Variants in HEATR1 observed in about 807,000 individuals in gnomAD.
The protein encoded by HEATR1 is HEAT repeat containing 1.
Under a neutral mutation model 248.2 loss-of-function variants are expected in HEATR1, and 77 were observed. The ratio of observed to expected loss-of-function variants is 0.31; its 90% CI spans 0.26 to 0.37. HEATR1 has a LOEUF of 0.37. Ranked by LOEUF, HEATR1 falls within the 10% of genes least tolerant of loss-of-function variation. The pLI, the probability that HEATR1 is intolerant of heterozygous loss-of-function variation, is 1.00. For synonymous variants in HEATR1, 897 were observed against 923.1 expected (o/e 0.97, Z 0.51); for missense variants, 2,420 against 2,504.9 (o/e 0.97, Z 0.72).
chr1:236,594,247 C>A, intron 8 of HEATR1, 133 bp from the exon 9 acceptor site: 1 of 561,846 alleles, frequency 1.8e-6, no homozygotes, highest in Non-Finnish European at 3.1e-6. Context: ...TATCTATTTG[C>A]ACAAGTGCAT....
chr1:236,576,243 T>C lies in HEATR1; in HGVS notation c.3060A>G (p.Lys1020=), dbSNP rs1663558287. 1.2e-6 allele frequency: 2 copies of C among 1,604,604 alleles called. No individual in the cohort carries two copies. The highest frequency in any genetic ancestry group is 2.2e-5 in the East Asian group (1 of 44,700). The change falls in exon 22 of 45, where the codon AAA becomes AAG. Residue 1020 remains lysine, a synonymous_variant. Transcript: ENST00000366582. ...CCTCACCGTTGACTCCCTGAAGTACTTTCATCAAATCTTTTGCTATATAAG... is the reference window on the plus strand; with the variant it reads ...CCTCACCGTTGACTCCCTGAAGTACCTTCATCAAATCTTTTGCTATATAAG... ...CPSYIAKDLM[K]VLQGVNGEMV...
At chr1:236,554,472 A>G (rs375922073) in intron 42 of HEATR1, 126 bp downstream of exon 42, 8 of 795,512 alleles carry the variant, frequency 1.0e-5, no homozygotes, top group East Asian at 8.1e-5. Flanking sequence ...ATTTCATTAA[A>G]AAGACCAGAA....
At chr1:236,598,272 C>T (rs550634173) in intron 4 of HEATR1, among the ~76,000 whole-genome samples, 4 of 152,268 alleles carry the variant, frequency 2.6e-5, no homozygotes, top group African/African-American at 9.6e-5. Flanking sequence ...TTCTTAGTAA[C>T]TTTACTGGTT....
At chr1:236,596,158 G>A in intron 6 of HEATR1, 114 bp from the exon 7 acceptor site, 1 of 733,416 alleles carries the variant, frequency 1.4e-6, no homozygotes, top group South Asian at 1.9e-5. Context: ...CTAATGCATA[G>A]TCAATCACTC....
At chr1:236,573,536 A>ATT (rs56276595) in intron 24 of HEATR1, among the ~76,000 whole-genome samples, 8 of 150,720 alleles carry the variant, frequency 5.3e-5, no homozygotes, top group East Asian at 1.9e-4. Flanking sequence ...CCAAGGAATT[A>ATT]TTTTTTTTTT....
intron 39 of HEATR1, 70 bp downstream of exon 39, chr1:236,555,735 T>G: frequency 6.2e-7 from 1 of 1,606,566 alleles, no homozygotes; most frequent in Non-Finnish European, 8.5e-7. Flanking sequence ...GTTACACGGC[T>G]AGATTGTTCT....
rs1208450857 is a variant in HEATR1, at chr1:236,550,543, AC to A, written c.*358del. On this transcript the variant is annotated 3_prime_UTR_variant, in exon 45 of 45. Transcript: ENST00000366582. ...TACCATGTATGTAAGATACTGCTGT[AC>A]AGAAGAGTTAAGGCTTACAGTGCAA... 2 of 195,288 alleles carry A rather than the reference AC, an allele frequency of 1.0e-5. No homozygotes were observed. Among genetic ancestry groups the A allele is most frequent in the East Asian group, 2.6e-4 (2 of 7,816 alleles). 12.1% of individuals were successfully genotyped at this position (195,288 alleles called of 1,614,324 possible).
chr1:236,551,923 C>A, intron 44 of HEATR1, 76 bp downstream of exon 44: 1 of 948,514 alleles, frequency 1.1e-6, no homozygotes, highest in Non-Finnish European at 1.7e-6. Flanking sequence ...TCTGCATTAT[C>A]ATTGGGCACA....
rs1291935330 is a variant in HEATR1 at position 236,550,486 on chromosome 1, A to C, written c.*416T>G. On this transcript the variant is annotated 3_prime_UTR_variant, in exon 45 of 45. Transcript: ENST00000366582. ...CTAAATAACTTCATTTTCTTGAAAT[A>C]GAGCAACTTTGAGTGAAATCTGCAA... is the stretch of plus-strand genomic sequence containing the variant. 6.3e-6 allele frequency: 1 copy of C among 158,236 alleles called. No homozygotes were observed. Among genetic ancestry groups the C allele is most frequent in the Non-Finnish European group, 1.4e-5 (1 of 72,414 alleles). 9.8% of individuals were successfully genotyped at this position (158,236 alleles called of 1,614,324 possible). A position where few individuals can be genotyped will look rare whatever the true frequency, so the allele number is the denominator to read the frequency against.
At chr1:236,591,715 T>C (rs986878185) in intron 11 of HEATR1, among the ~76,000 whole-genome samples, 2 of 147,306 alleles carry the variant, frequency 1.4e-5, no homozygotes, top group African/African-American at 2.5e-5. Context: ...GGCCGTCCTC[T>C]GATGATTCTT....
intron 22 of HEATR1, among the ~76,000 whole-genome samples, chr1:236,575,137 G>A (rs1043625187): frequency 6.6e-6 from 1 of 152,178 alleles, no homozygotes; most frequent in African/African-American, 2.4e-5. Context: ...GAGATGAGCA[G>A]AAAGATAATC....
chr1:236,557,346 C>A lies in HEATR1; in HGVS notation c.5205-1G>T. ...TGTTGTCAGCAACGATGGCATCAGGCTAGAAACAAAGTAAGAGCTTTAGAA... is the reference window on the plus strand; with the variant it reads ...TGTTGTCAGCAACGATGGCATCAGGATAGAAACAAAGTAAGAGCTTTAGAA... On this transcript the variant is annotated splice_acceptor_variant, in intron 36 of 44. Transcript: ENST00000366582. LOFTEE classifies it high-confidence loss of function. 6.2e-7 allele frequency: 1 copy of A among 1,613,676 alleles called. No individual in the cohort carries two copies. Among genetic ancestry groups the A allele is most frequent in the Non-Finnish European group, 8.5e-7 (1 of 1,179,780 alleles).
chr1:236,583,929 C>G (rs769037470), intron 17 of HEATR1, among the ~76,000 whole-genome samples: 1 of 152,100 alleles, frequency 6.6e-6, no homozygotes, highest in Non-Finnish European at 1.5e-5. Flanking sequence ...TGATTTTAAA[C>G]AAGCAGCAAA....
chr1:236,597,079 G>A, intron 5 of HEATR1, 103 bp from the exon 6 acceptor site: 6 of 1,003,276 alleles, frequency 6.0e-6, no homozygotes, highest in Non-Finnish European at 8.7e-6. Context: ...GAACTATGAT[G>A]GCACCACTGT....
At chr1:236,567,008 A>G in intron 29 of HEATR1, 132 bp from the exon 30 acceptor site, 1 of 640,166 alleles carries the variant, frequency 1.6e-6, no homozygotes, top group Admixed American at 2.8e-5. Context: ...TTTTTTAGAG[A>G]CAGGGTCTTT....
At chr1:236,552,177 G>C (rs1662778648) in intron 43 of HEATR1, 70 bp from the exon 44 acceptor site, 2 of 988,440 alleles carry the variant, frequency 2.0e-6, no homozygotes, top group Admixed American at 2.0e-5. Flanking sequence ...GAGCTGTACT[G>C]ACTTGAGACA....
At position 236,578,983 on chromosome 1, in the gene HEATR1, G is replaced by T. The variant is rs141743747; in HGVS notation, c.2756-2034C>A. Among the ~76,000 whole-genome samples, 500 of 152,260 alleles carry T rather than the reference G, an allele frequency of 3.3e-3. 4 individuals are homozygous for T. Among genetic ancestry groups the T allele is most frequent in the Non-Finnish European group, 3.9e-3 (266 of 68,026 alleles). On this transcript the variant is annotated intron_variant, in intron 20 of 44. Transcript: ENST00000366582. ...TAAGCTTTATTTCATATCTACTGCA[G>T]CAAACTACGGTCATTTATATTTTGC...
chr1:236,561,371 C>G, intron 32 of HEATR1, 100 bp from the exon 33 acceptor site: 1 of 842,374 alleles, frequency 1.2e-6, no homozygotes, highest in Non-Finnish European at 2.0e-6. Flanking sequence ...CTGAAACCTT[C>G]CACAGCAACT....
Position 236,558,251 on chromosome 1 carries a change from G to C in HEATR1, c.5190C>G (p.Ile1730Met), listed in dbSNP as rs778323422. The C allele has an allele frequency of 3.1e-6, 5 of 1,611,938 alleles. No individual in the cohort carries two copies. The highest frequency in any genetic ancestry group is 4.2e-6 in the Non-Finnish European group (5 of 1,178,842). The part of the protein sequence containing the change: ...EVTSTLEALA[I>M]PQLPSLMPSL... ...CGGCCGCATACCTGGGAAGCTGGGG[G>C]ATGGCCAGCGCCTCCAGGGTGGAGG... The change falls in exon 36 of 45, where the codon ATC becomes ATG. Residue 1730 changes from isoleucine (I) to methionine (M), a missense_variant. Coordinates refer to ENST00000366582, the MANE Select transcript of HEATR1 (RefSeq NM_018072.6).
Sources: allele counts gnomAD v4.1 joint callset (sites outside exome capture counted in the v4.1 genomes callset), GRCh38; gene constraint gnomAD v4.1.1; transcripts MANE v1.5; gene names NCBI Gene and HGNC (gene_info 2026-07-23, HGNC 2026-07-21).